GRK7: variants seen among roughly 807,000 people sequenced by gnomAD.
GRK7 encodes G protein-coupled receptor kinase 7, also known as rhodopsin kinase GRK7.
In GRK7, 24 loss-of-function variants were observed where a neutral mutation model predicts 34.1. That is an observed-to-expected ratio of 0.70 (90% CI 0.51 to 0.99). The LOEUF (loss-of-function observed/expected upper bound fraction) is 0.99. Among genes scored for constraint, GRK7 ranks in the 50% least tolerant of loss-of-function variants. The pLI is 0.00. For missense variants in GRK7, 644 were observed against 707.3 expected, an observed-to-expected ratio of 0.91 and a Z score of 1.02; for synonymous variants, 256 against 279.4, an observed-to-expected ratio of 0.92 and a Z score of 0.84.
intron 4 of GRK7, among the ~76,000 whole-genome samples, chr3:141,781,520 G>C (rs866096979): frequency 2.8e-5 from 4 of 142,772 alleles, no homozygotes; most frequent in Middle Eastern, 7.7e-3. Flanking sequence ...CTGCTCGACA[G>C]AGCAAGACTC....
intron 4 of GRK7, among the ~76,000 whole-genome samples, chr3:141,785,441 G>T (rs2084691484): frequency 6.6e-6 from 1 of 152,110 alleles, no homozygotes; most frequent in African/African-American, 2.4e-5. Context: ...AGTCAATAGT[G>T]CGAACCCCAT....
intron 5 of GRK7, 25 bp from the exon 6 acceptor site, chr3:141,816,689 G>A (rs1162555437): frequency 7.0e-7 from 1 of 1,430,460 alleles, no homozygotes; most frequent in Non-Finnish European, 9.5e-7. Flanking sequence ...CTCTGTCTCA[G>A]GCTGATCATC....
intron 1 of GRK7, among the ~76,000 whole-genome samples, chr3:141,768,572 C>T (rs1276555362): frequency 6.6e-6 from 1 of 152,218 alleles, no homozygotes; most frequent in African/African-American, 2.4e-5. Context: ...GAGCCACCGC[C>T]CCTGGTCCTT....
chr3:141,771,550 A>T (rs1485464480), intron 1 of GRK7, among the ~76,000 whole-genome samples: 4 of 152,004 alleles, frequency 2.6e-5, no homozygotes, highest in Admixed American at 2.6e-4. Flanking sequence ...GAGGGTAAGA[A>T]GGTGGGAGCA....
At chr3:141,799,549 T>A (rs779515287) in intron 4 of GRK7, among the ~76,000 whole-genome samples, 8 of 151,524 alleles carry the variant, frequency 5.3e-5, no homozygotes, top group Non-Finnish European at 1.2e-4. Context: ...GAGGTGGAGG[T>A]TGCAGTGAGC....
chr3:141,759,893 ATG>A (rs1240727321), upstream of GRK7, among the ~76,000 whole-genome samples: 1 of 68,594 alleles, frequency 1.5e-5, no homozygotes, highest in Non-Finnish European at 2.9e-5. Context: ...GGGAGAGTGT[ATG>A]TGTCGAGGAA....
chr3:141,786,708 G>T (rs1394753911), intron 4 of GRK7, among the ~76,000 whole-genome samples: 1 of 151,804 alleles, frequency 6.6e-6, no homozygotes, highest in Non-Finnish European at 1.5e-5. Flanking sequence ...AACCCAGGAG[G>T]CAGAGGTTGC....
chr3:141,788,226 A>G (rs919345577), intron 4 of GRK7, among the ~76,000 whole-genome samples: 4 of 152,178 alleles, frequency 2.6e-5, no homozygotes, highest in Admixed American at 2.6e-4. Flanking sequence ...GTTGTTCTAC[A>G]GGCAGTAGGG....
In GRK7 at chr3:141,817,399, T is replaced by C. The variant is rs1193142063; in HGVS notation, c.*349T>C. On this transcript the variant is annotated 3_prime_UTR_variant, in exon 6 of 6. Coordinates refer to ENST00000682958, the MANE Select transcript of GRK7 (RefSeq NM_139209.3). Reference sequence around the variant, plus strand: ...GTGGTGTGCCCAGAAAATGAGCATTTGCAATTCTTAGTAAATAATCATTTT... The same window carrying C: ...GTGGTGTGCCCAGAAAATGAGCATTCGCAATTCTTAGTAAATAATCATTTT... The C allele has an allele frequency of 2.0e-5, 4 of 195,854 alleles. No homozygotes were observed. In the East Asian group the frequency reaches 4.8e-4, roughly 24 times the overall value. The allele number at this position is 195,854 out of a possible 1,614,324, so 12.1% of individuals were successfully genotyped here.
intron 4 of GRK7, among the ~76,000 whole-genome samples, chr3:141,788,145 G>A (rs908582507): frequency 6.6e-6 from 1 of 152,230 alleles, no homozygotes; most frequent in African/African-American, 2.4e-5. Flanking sequence ...CCCTGGGTAT[G>A]AGCTGTGCCT....
intron 2 of GRK7, among the ~76,000 whole-genome samples, chr3:141,776,314 T>C (rs7626159): frequency 1.3e-5 from 2 of 151,112 alleles, no homozygotes; most frequent in Non-Finnish European, 2.9e-5. Context: ...AAATAAAAAA[T>C]ATATATAAAT....
At chr3:141,781,498 CT>C (rs2084672237) in intron 4 of GRK7, among the ~76,000 whole-genome samples, 1 of 149,306 alleles carries the variant, frequency 6.7e-6, no homozygotes, top group Admixed American at 6.7e-5. Context: ...GATCATGCCA[CT>C]GCACTCCAGC....
chr3:141,794,479 A>C (rs963459965), intron 4 of GRK7, among the ~76,000 whole-genome samples: 2 of 152,236 alleles, frequency 1.3e-5, no homozygotes, highest in African/African-American at 4.8e-5. Flanking sequence ...TCGTAAGAGG[A>C]AATGTGGTTC....
At position 141,764,127 on chromosome 3, in the gene GRK7, C is replaced by T. The variant is rs1577908003; in HGVS notation, c.-1826C>T. Among the ~76,000 whole-genome samples the T allele has an allele frequency of 1.3e-5, 2 of 152,182 alleles. No homozygotes were observed. Among genetic ancestry groups the T allele is most frequent in the East Asian group, 3.9e-4 (2 of 5,188 alleles). On this transcript the variant is annotated 5_prime_UTR_variant, in exon 1 of 6. Transcript: ENST00000682958. ...CGCTGAGTTGCTAGCTCCCAGCTCT[C>T]CATCACTACTCTTGATAATTCTTGG...
At chr3:141,768,569 C>T (rs73000317) in intron 1 of GRK7, among the ~76,000 whole-genome samples, 10,044 of 152,192 alleles carry the variant, frequency 0.066, 1,116 homozygotes, top group African/African-American at 0.23. Context: ...CATGAGCCAC[C>T]GCCCCTGGTC....
rs939613921 is a variant in GRK7, at chr3:141,818,695, C to G, written c.*1645C>G. Among the ~76,000 whole-genome samples the G allele has an allele frequency of 6.6e-6, 1 of 151,996 alleles. No homozygotes were observed. Among genetic ancestry groups the G allele is most frequent in the African/African-American group, 2.4e-5 (1 of 41,364 alleles). ...GATATTTTTTAAAAGGATGTATGTG[C>G]ACATAATAAAATCTAAATTTATCCC... On this transcript the variant is annotated 3_prime_UTR_variant, in exon 6 of 6. Transcript: ENST00000682958.
upstream of GRK7, among the ~76,000 whole-genome samples, chr3:141,760,412 T>C (rs961188946): frequency 4.3e-5 from 6 of 140,546 alleles, no homozygotes; most frequent in East Asian, 4.1e-4. Flanking sequence ...AGTTTCCATG[T>C]AGTTGAGCGG....
the GRK7 span, among the ~76,000 whole-genome samples, chr3:141,752,517 T>G: frequency 6.6e-6 from 1 of 152,224 alleles, no homozygotes; most frequent in Admixed American, 6.5e-5. Flanking sequence ...ATAACTTATA[T>G]ACATTTTGAT....
intron 4 of GRK7, among the ~76,000 whole-genome samples, chr3:141,788,874 C>T (rs568783929): frequency 1.4e-4 from 21 of 152,196 alleles, no homozygotes; most frequent in Non-Finnish European, 2.5e-4. Context: ...CATTCTGTCG[C>T]CCAGGCTGGA....
Sources: allele counts gnomAD v4.1 joint callset (sites outside exome capture counted in the v4.1 genomes callset), GRCh38; gene constraint gnomAD v4.1.1; transcripts MANE v1.5; gene names NCBI Gene and HGNC (gene_info 2026-07-23, HGNC 2026-07-21).